Variants in TTLL11 observed in about 807,000 individuals in gnomAD.
The protein encoded by TTLL11 is tubulin polyglutamylase TTLL11.
In TTLL11, 42 loss-of-function variants were observed where a neutral mutation model predicts 51.7. That is an observed-to-expected ratio of 0.81 (90% confidence interval 0.64 to 1.05). TTLL11 has a LOEUF of 1.05. Among genes scored for constraint, TTLL11 ranks in the 50% least tolerant of loss-of-function variants. The pLI is 0.00. For missense variants in TTLL11, 799 were observed against 940.4 expected (o/e 0.85, Z 1.97); for synonymous variants, 381 against 383.5 (o/e 0.99, Z 0.08).
chr9:121,895,803 C>T (rs1215286869), intron 6 of TTLL11, among the ~76,000 whole-genome samples: 3 of 470 alleles, frequency 6.4e-3, no homozygotes, highest in South Asian at 0.042. Context: ...TGTGGATGTG[C>T]GGGTGTTTTG....
At chr9:121,841,904 G>T (rs752490500) in intron 8 of TTLL11, among the ~76,000 whole-genome samples, 7 of 152,018 alleles carry the variant, frequency 4.6e-5, no homozygotes, top group Admixed American at 1.3e-4. Flanking sequence ...ATTGTCCCCA[G>T]TTGAGAACCA....
chr9:122,086,557 A>G (rs1260771068), intron 1 of TTLL11, among the ~76,000 whole-genome samples: 1 of 152,198 alleles, frequency 6.6e-6, no homozygotes, highest in Non-Finnish European at 1.5e-5. Flanking sequence ...AATCTGAGAC[A>G]GAAAGATTCA....
At chr9:122,045,466 G>A (rs974922425) in intron 1 of TTLL11, among the ~76,000 whole-genome samples, 3 of 152,062 alleles carry the variant, frequency 2.0e-5, no homozygotes, top group South Asian at 2.1e-4. Flanking sequence ...CAGGAGAATC[G>A]CTTGAACCCA....
chr9:121,840,897 C>A (rs1315221539), intron 8 of TTLL11, among the ~76,000 whole-genome samples: 1 of 152,236 alleles, frequency 6.6e-6, no homozygotes, highest in African/African-American at 2.4e-5. Flanking sequence ...GGGCCCCAAA[C>A]ATGAATCAGG....
intron 6 of TTLL11, among the ~76,000 whole-genome samples, chr9:121,883,132 T>C (rs1046954862): frequency 6.6e-5 from 10 of 152,162 alleles, no homozygotes; most frequent in Non-Finnish European, 1.5e-4. Context: ...TATAAACCCA[T>C]CTTTAGGGCA....
intron 1 of TTLL11, among the ~76,000 whole-genome samples, chr9:122,067,015 C>T (rs772123441): frequency 6.6e-6 from 1 of 152,168 alleles, no homozygotes; most frequent in African/African-American, 2.4e-5. Flanking sequence ...TTACCTTCAC[C>T]TGGTCTCTCC....
Position 121,843,123 on chromosome 9 carries a change from C to T in TTLL11, c.1840+17214G>A, listed in dbSNP as rs189175347. Among the ~76,000 whole-genome samples, 46 of 151,854 alleles carry T rather than the reference C, an allele frequency of 3.0e-4. 2 individuals carry two copies. The East Asian group carries it at 7.2e-3, about 24-fold the overall frequency. On this transcript the variant is annotated intron_variant, in intron 8 of 8. Transcript: ENST00000321582. ...GGCCGAGGCTGGAGGATCCCTTGAG[C>T]GCAGTAGTTCAAGACCAGCCTCAGC...
chr9:121,904,582 G>C (rs1839875041), intron 6 of TTLL11, among the ~76,000 whole-genome samples: 1 of 152,136 alleles, frequency 6.6e-6, no homozygotes, highest in African/African-American at 2.4e-5. Context: ...CCTTTGCCCT[G>C]GTGGTGTTCC....
chr9:122,081,961 C>T (rs1384145083), intron 1 of TTLL11, among the ~76,000 whole-genome samples: 2 of 152,132 alleles, frequency 1.3e-5, no homozygotes, highest in African/African-American at 4.8e-5. Context: ...TTAACTTATG[C>T]AAAAAGTTTA....
At chr9:122,056,353 A>G (rs1201172405) in intron 1 of TTLL11, among the ~76,000 whole-genome samples, 1 of 152,214 alleles carries the variant, frequency 6.6e-6, no homozygotes, top group Non-Finnish European at 1.5e-5. Context: ...GCTACTATTT[A>G]TGTGCTGTGT....
At chr9:121,828,417 C>T (rs551600219) in intron 8 of TTLL11, among the ~76,000 whole-genome samples, 7 of 152,216 alleles carry the variant, frequency 4.6e-5, no homozygotes, top group South Asian at 2.1e-4. Flanking sequence ...TCAACTGATC[C>T]GCCCACCTTG....
At chr9:121,864,362 T>C (rs1564278721) in intron 7 of TTLL11, among the ~76,000 whole-genome samples, 1 of 152,040 alleles carries the variant, frequency 6.6e-6, no homozygotes, top group Non-Finnish European at 1.5e-5. Context: ...GACTAATGAG[T>C]GGAAGGATAA....
rs151189896 is a variant in TTLL11, at chr9:122,020,676, G to A, written c.693+11047C>T. Among the ~76,000 whole-genome samples, 372 of 152,346 alleles carry A rather than the reference G, an allele frequency of 2.4e-3. 2 individuals carry two copies. Among genetic ancestry groups the A allele is most frequent in the African/African-American group, 8.5e-3 (355 of 41,572 alleles). On this transcript the variant is annotated intron_variant, in intron 3 of 8. Coordinates refer to ENST00000321582, the MANE Select transcript of TTLL11 (RefSeq NM_001139442.2). ...AACCCCCAAGGGGATGGTTTTAAGA[G>A]GTAGGCTCTTTGGAGGGCAATTAGA...
chr9:121,969,007 T>C (rs1444164042), intron 6 of TTLL11, among the ~76,000 whole-genome samples: 1 of 151,376 alleles, frequency 6.6e-6, no homozygotes, highest in Admixed American at 6.6e-5. Context: ...GTAGCTGGGA[T>C]TATAGGCATG....
At chr9:121,826,265 G>C (rs1836764830) in intron 8 of TTLL11, among the ~76,000 whole-genome samples, 1 of 107,512 alleles carries the variant, frequency 9.3e-6, no homozygotes, top group Non-Finnish European at 1.8e-5. Context: ...ATATATATGG[G>C]TAAAACCCAT....
chr9:122,027,665 G>A (rs572457779), intron 3 of TTLL11, among the ~76,000 whole-genome samples: 1 of 152,290 alleles, frequency 6.6e-6, no homozygotes, highest in East Asian at 1.9e-4. Flanking sequence ...TTTCAAAGCA[G>A]TTTAAAAACT....
At chr9:121,893,175 T>C (rs1387422476) in intron 6 of TTLL11, among the ~76,000 whole-genome samples, 2 of 152,206 alleles carry the variant, frequency 1.3e-5, no homozygotes, top group African/African-American at 4.8e-5. Flanking sequence ...TTCCTAATTA[T>C]AAAGTCAATA....
At chr9:121,828,173 CTTTT>C (rs10708592) in intron 8 of TTLL11, among the ~76,000 whole-genome samples, 2 of 137,318 alleles carry the variant, frequency 1.5e-5, no homozygotes, top group Non-Finnish European at 3.1e-5. Context: ...ACACATTGAA[CTTTT>C]TTTTTTTTTT....
In TTLL11 at chr9:121,899,365, G is replaced by GTGTATATATATACATATA. The variant is rs1226221957; in HGVS notation, c.1482-28618_1482-28617insTATATGTATATATATACA. Among the ~76,000 whole-genome samples, 784 of 112,420 alleles carry GTGTATATATATACATATA rather than the reference G, an allele frequency of 7.0e-3. 12 individuals are homozygous for GTGTATATATATACATATA. The highest frequency in any genetic ancestry group is 0.013 in the Admixed American group (127 of 9,606). The allele number at this position is 112,420 out of a possible 152,430, so 73.8% of individuals were successfully genotyped here. ...TCTGTGTGTGTGTGTATGTGTGTGTGTATATATATATACATATATATATAT... is the reference window on the plus strand; with the variant it reads ...TCTGTGTGTGTGTGTATGTGTGTGTGTGTATATATATACATATATATATATATATACATATATATATAT... On this transcript the variant is annotated intron_variant, in intron 6 of 8. Coordinates refer to ENST00000321582, the MANE Select transcript of TTLL11 (RefSeq NM_001139442.2).
Sources: gnomAD v4.1 joint callset for allele counts (sites outside exome capture counted in the v4.1 genomes callset) on GRCh38, gnomAD v4.1.1 for gene constraint, MANE v1.5 for transcripts, NCBI Gene and HGNC (gene_info 2026-07-23, HGNC 2026-07-21) for gene names.